CHD6: variants seen among roughly 807,000 people sequenced by gnomAD.
CHD6 encodes the protein ATP-dependent chromatin remodeler CHD6.
CHD6 carries 50 observed loss-of-function variants against 276.9 expected under a neutral mutation model. That is an observed-to-expected ratio of 0.18 (90% CI 0.14 to 0.23). CHD6 has a LOEUF of 0.23. Among genes scored for constraint, CHD6 ranks in the 10% least tolerant of loss-of-function variants. CHD6 has a pLI of 1.00. For missense variants in CHD6, 2,564 were observed against 3,365.8 expected, an observed-to-expected ratio of 0.76 and a Z score of 5.89; for synonymous variants, 1,173 against 1,229.3, an observed-to-expected ratio of 0.95 and a Z score of 0.96.
At chr20:41,412,731 C>T (rs1474872430) in intron 35 of CHD6, among the ~76,000 whole-genome samples, 5 of 152,070 alleles carry the variant, frequency 3.3e-5, no homozygotes, top group Non-Finnish European at 7.4e-5. Context: ...GGTAGATGAG[C>T]AAGTGAGAAG....
At chr20:41,569,723 A>G (rs1349403534) in intron 1 of CHD6, among the ~76,000 whole-genome samples, 1 of 152,264 alleles carries the variant, frequency 6.6e-6, no homozygotes, top group Non-Finnish European at 1.5e-5. Context: ...ATTAAAATAT[A>G]AAATTTTTAA....
At chr20:41,482,683 A>C in intron 16 of CHD6, 1 of 362,574 alleles carries the variant, frequency 2.8e-6, no homozygotes, top group Non-Finnish European at 5.4e-6. Context: ...AAAGTAATAC[A>C]CATGAGGTAA....
chr20:41,462,968 TAGTTAGGGCTGTGGTAGAGAA>T (rs1426943295), intron 17 of CHD6, among the ~76,000 whole-genome samples: 3 of 152,252 alleles, frequency 2.0e-5, no homozygotes, highest in African/African-American at 7.2e-5. Flanking sequence ...TGGCTAACTG[TAGTTAGGGCTGTGGTAGAGAA>T]AGTATAGACT....
intron 1 of CHD6, among the ~76,000 whole-genome samples, chr20:41,588,732 A>C (rs2045623308): frequency 2.0e-5 from 3 of 152,044 alleles, no homozygotes; most frequent in African/African-American, 7.2e-5. Flanking sequence ...AGAGCAAGAA[A>C]ATTTTCTAGG....
At chr20:41,483,550 G>A (rs769555650) in intron 15 of CHD6, 31 bp from the exon 16 acceptor site, 15 of 1,478,844 alleles carry the variant, frequency 1.0e-5, no homozygotes, top group South Asian at 2.4e-5. Flanking sequence ...ACTATTCCTC[G>A]GACAGAATAT....
chr20:41,412,487 C>T lies in CHD6; in HGVS notation c.7132-224G>A, dbSNP rs532994711. On this transcript the variant is annotated intron_variant, in intron 35 of 36. Transcript: ENST00000373233. Reference sequence around the variant, plus strand: ...TCTGGAAAACAGGCTGTGTGGGCACCCCCGCCCTCCAGACTAGAACACCTG... The same window carrying T: ...TCTGGAAAACAGGCTGTGTGGGCACTCCCGCCCTCCAGACTAGAACACCTG... 2.0e-5 allele frequency among the ~76,000 whole-genome samples: 3 copies of T among 152,290 alleles called. No individual in the cohort carries two copies. The East Asian group carries it at 5.8e-4, about 29-fold the overall frequency.
chr20:41,533,518 T>C lies in CHD6; in HGVS notation c.86A>G (p.Asn29Ser), dbSNP rs1427759373. 1.9e-6 allele frequency: 3 copies of C among 1,613,306 alleles called. No individual in the cohort carries two copies. The highest frequency in any genetic ancestry group is 1.7e-5 in the Admixed American group (1 of 59,938). Residue 29 changes from asparagine to serine, a missense_variant, in exon 3 of 37, where the codon AAT becomes AGT. Transcript: ENST00000373233. The stretch of plus-strand genomic sequence containing the variant: ...TGGGGATGGAGATTTGTAGTCAAAA[T>C]TGACAGAGGCATCAGACATTGGGGA... ...NHSPMSDASV[N>S]FDYKSPSPFD... is the part of the protein sequence containing the mutation.
intron 28 of CHD6, 70 bp from the exon 29 acceptor site, chr20:41,425,464 T>C (rs1600828351): frequency 3.5e-6 from 5 of 1,431,290 alleles, no homozygotes; most frequent in East Asian, 2.5e-5. Context: ...CTTTTGGTTT[T>C]GTTTAAATAA....
At chr20:41,594,902 G>T (rs1389347531) in intron 1 of CHD6, among the ~76,000 whole-genome samples, 2 of 152,252 alleles carry the variant, frequency 1.3e-5, no homozygotes, top group Non-Finnish European at 1.5e-5. Flanking sequence ...TGCTCAGTGT[G>T]TTCTTGTGAT....
At chr20:41,608,352 A>C (rs1036695395) in intron 1 of CHD6, among the ~76,000 whole-genome samples, 1 of 152,238 alleles carries the variant, frequency 6.6e-6, no homozygotes, top group Admixed American at 6.5e-5. Context: ...CTAGTAAAGA[A>C]GAGCTATTAA....
At chr20:41,542,843 G>A (rs1008470925) in intron 2 of CHD6, among the ~76,000 whole-genome samples, 18 of 151,774 alleles carry the variant, frequency 1.2e-4, no homozygotes, top group Non-Finnish European at 2.2e-4. Flanking sequence ...GGTGGCTCAC[G>A]CCTGTAATCC....
rs900972856 is a variant in CHD6, at chr20:41,520,569, G to A, written c.555-5617C>T. Among the ~76,000 whole-genome samples, 3 of 148,322 alleles carry A rather than the reference G, an allele frequency of 2.0e-5. No homozygotes were observed. The Admixed American group carries it at 2.1e-4, about 10-fold the overall frequency. Reference sequence around the variant, plus strand: ...ATCATTCTCAGCAAACTATCACAAGGACAAAAAACCAAACACCGCATGTTC... The same window carrying A: ...ATCATTCTCAGCAAACTATCACAAGAACAAAAAACCAAACACCGCATGTTC... On this transcript the variant is annotated intron_variant, in intron 3 of 36. Coordinates refer to ENST00000373233, the MANE Select transcript of CHD6 (RefSeq NM_032221.5).
intron 1 of CHD6, among the ~76,000 whole-genome samples, chr20:41,567,168 T>TGG (rs1416216007): frequency 6.6e-6 from 1 of 152,152 alleles, no homozygotes; most frequent in Admixed American, 6.6e-5. Context: ...GACTGTACCC[T>TGG]GGTGTGATGC....
intron 2 of CHD6, among the ~76,000 whole-genome samples, chr20:41,539,188 C>T (rs536891748): frequency 5.9e-5 from 9 of 152,318 alleles, no homozygotes; most frequent in South Asian, 2.1e-4. Flanking sequence ...ACTGAACATG[C>T]GTGCCCTGGA....
At chr20:41,472,921 CT>C (rs2043088372) in intron 17 of CHD6, 4 of 163,406 alleles carry the variant, frequency 2.4e-5, no homozygotes, top group Admixed American at 1.2e-4. Flanking sequence ...TTTCCCACCC[CT>C]CTGGGTTAAC....
At chr20:41,592,596 G>A (rs2045675393) in intron 1 of CHD6, among the ~76,000 whole-genome samples, 2 of 152,122 alleles carry the variant, frequency 1.3e-5, no homozygotes, top group Admixed American at 1.3e-4. Context: ...ATAGAAACTG[G>A]AGCTACCATG....
At chr20:41,464,391 T>A (rs985091493) in intron 17 of CHD6, among the ~76,000 whole-genome samples, 2 of 152,224 alleles carry the variant, frequency 1.3e-5, no homozygotes, top group African/African-American at 4.8e-5. Context: ...TAGACCAACA[T>A]TATATTCTGG....
At position 41,533,373 on chromosome 20, in the gene CHD6, T is replaced by A; in HGVS notation, c.231A>T (p.Thr77=). The A allele has an allele frequency of 6.2e-7, 1 of 1,614,116 alleles. No individual in the cohort carries two copies. Among genetic ancestry groups the A allele is most frequent in the East Asian group, 2.2e-5 (1 of 44,876 alleles). ...CACTGTCCTCCATCCCATTATGGGA[T>A]GTCATTTTCCTAGGAAAAAGGGTAG... The part of the protein sequence containing the change: ...EAATLFPRKM[T]SHNGMEDSGG... Residue 77 remains threonine, a synonymous_variant, in exon 3 of 37, where the codon ACA becomes ACT. Coordinates refer to ENST00000373233, the MANE Select transcript of CHD6 (RefSeq NM_032221.5).
chr20:41,603,617 G>T (rs772087979), intron 1 of CHD6, among the ~76,000 whole-genome samples: 2 of 152,290 alleles, frequency 1.3e-5, no homozygotes, highest in South Asian at 4.1e-4. Flanking sequence ...TGTAATCCCA[G>T]CACTTTGGGA....
Sources: gnomAD v4.1 joint callset for allele counts (sites outside exome capture counted in the v4.1 genomes callset) on GRCh38, gnomAD v4.1.1 for gene constraint, MANE v1.5 for transcripts, NCBI Gene and HGNC (gene_info 2026-07-23, HGNC 2026-07-21) for gene names.